TTC21B: variants seen among roughly 807,000 people sequenced by gnomAD.
The protein encoded by TTC21B is tetratricopeptide repeat protein 21B.
In TTC21B, 127 loss-of-function variants were observed where a neutral mutation model predicts 175.1. The observed-to-expected ratio is 0.73, with a 90% CI of 0.63 to 0.84. The LOEUF (loss-of-function observed/expected upper bound fraction) is 0.84, where lower values mean the gene tolerates loss of function less well. Ranked by LOEUF, TTC21B falls within the 40% of genes least tolerant of loss-of-function variation. The probability of loss-of-function intolerance (pLI) is 0.00; values close to 1 mark genes in which losing one functional copy is unlikely to be tolerated. For synonymous variants in TTC21B, 524 were observed against 524.5 expected, an observed-to-expected ratio of 1.00 and a Z score of 0.01; for missense variants, 1,561 against 1,558.3, an observed-to-expected ratio of 1.00 and a Z score of -0.03.
chr2:165,953,728 G>T lies in TTC21B; in HGVS notation c.-23C>A, dbSNP rs1458873389. The T allele has an allele frequency of 6.5e-7, 1 of 1,543,978 alleles. No homozygotes were observed. The highest frequency in any genetic ancestry group is 8.7e-7 in the Non-Finnish European group (1 of 1,145,058). ...CATGGCTGCCCCGAGGCCGGGCCGC[G>T]GGGCTCTGGGGATTGTCTCGCCGCA... On this transcript the variant is annotated 5_prime_UTR_variant, in exon 1 of 29. Transcript: ENST00000243344.
chr2:165,940,969 T>C (rs545460823), intron 6 of TTC21B, 58 bp downstream of exon 6: 254 of 1,600,462 alleles, frequency 1.6e-4, no homozygotes, highest in Admixed American at 1.2e-3. Context: ...CAGATGTCGC[T>C]TTTTCTCAAA....
intron 6 of TTC21B, among the ~76,000 whole-genome samples, chr2:165,939,706 T>C (rs1404629599): frequency 6.6e-6 from 1 of 152,150 alleles, no homozygotes; most frequent in African/African-American, 2.4e-5. Context: ...CATCCATCTC[T>C]ACTTTGACTT....
intron 26 of TTC21B, 27 bp from the exon 27 acceptor site, chr2:165,880,826 G>C: frequency 1.2e-6 from 2 of 1,606,310 alleles, no homozygotes; most frequent in Middle Eastern, 1.7e-4. Flanking sequence ...GACATCAATA[G>C]ATTAAACTTG....
chr2:165,899,971 C>T (rs1685498002), intron 20 of TTC21B, 91 bp from the exon 21 acceptor site: 19 of 519,682 alleles, frequency 3.7e-5, no homozygotes, highest in Middle Eastern at 3.4e-4. Flanking sequence ...CTTTAGTTGA[C>T]CAAAAGTCAT....
At position 165,919,393 on chromosome 2, in the gene TTC21B, T is replaced by C; in HGVS notation, c.1557A>G (p.Leu519=). Residue 519 remains leucine, a synonymous_variant, in exon 13 of 29, where the codon TTA becomes TTG. Coordinates refer to ENST00000243344, the MANE Select transcript of TTC21B (RefSeq NM_024753.5). The stretch of plus-strand genomic sequence containing the variant: ...CATCAGCATAAGAGGGATTGTGTTC[T>C]AAGCAGTGCTGAAGGTTATTGAAAG... ...EAAFNNLQHC[L]EHNPSYADAH... is the part of the protein sequence containing the mutation. 1 of 1,614,136 alleles carries C rather than the reference T, an allele frequency of 6.2e-7. No individual in the cohort carries two copies. Among genetic ancestry groups the C allele is most frequent in the South Asian group, 1.1e-5 (1 of 91,078 alleles).
At chr2:165,941,319 G>T in intron 5 of TTC21B, 135 bp from the exon 6 acceptor site, 1 of 926,672 alleles carries the variant, frequency 1.1e-6, no homozygotes, top group Non-Finnish European at 1.7e-6. Flanking sequence ...TTAAGTTTTT[G>T]TCAAAACAAA....
intron 12 of TTC21B, among the ~76,000 whole-genome samples, chr2:165,920,455 C>A (rs1036476131): frequency 6.6e-6 from 1 of 152,106 alleles, no homozygotes; most frequent in Non-Finnish European, 1.5e-5. Flanking sequence ...AACCGTCAAG[C>A]ATAATTAACA....
rs376144362 is a variant in TTC21B at position 165,941,204 on chromosome 2, G to C, written c.553-20C>G. 2.0e-4 allele frequency: 327 copies of C among 1,613,398 alleles called. No individual in the cohort carries two copies. The highest frequency in any genetic ancestry group is 2.7e-4 in the Non-Finnish European group (314 of 1,179,522). ...TTGTGCCTAATGGAAGGGAAAAAAAGTGATATCCAAACTGTGATCTTTCAT... is the reference window on the plus strand; with the variant it reads ...TTGTGCCTAATGGAAGGGAAAAAAACTGATATCCAAACTGTGATCTTTCAT... On this transcript the variant is annotated intron_variant, in intron 5 of 28. Transcript: ENST00000243344.
At chr2:165,880,590 G>C (rs1420181590) in intron 27 of TTC21B, 89 bp downstream of exon 27, 2 of 1,419,640 alleles carry the variant, frequency 1.4e-6, no homozygotes, top group Non-Finnish European at 2.0e-6. Context: ...TGTTTATTTT[G>C]TTTTGAAAAA....
rs1472888506 is a variant in TTC21B at position 165,888,492 on chromosome 2, T to C, written c.3264-18A>G. The C allele has an allele frequency of 6.3e-7, 1 of 1,582,984 alleles. No individual in the cohort carries two copies. Among genetic ancestry groups the C allele is most frequent in the Non-Finnish European group, 8.7e-7 (1 of 1,155,002 alleles). On this transcript the variant is annotated intron_variant, in intron 24 of 28. Coordinates refer to ENST00000243344, the MANE Select transcript of TTC21B (RefSeq NM_024753.5). ...TTGAATTACTGTATATAATTAAAAA[T>C]AAATCACTTCTGTCTCTTACTCATG...
chr2:165,901,029 G>A (rs183401891), intron 20 of TTC21B, among the ~76,000 whole-genome samples: 1 of 151,590 alleles, frequency 6.6e-6, no homozygotes, highest in African/African-American at 2.4e-5. Context: ...AGCACCCCAA[G>A]GAGCTGGGAC....
intron 11 of TTC21B, among the ~76,000 whole-genome samples, chr2:165,925,482 C>T (rs570221611): frequency 6.0e-4 from 91 of 152,220 alleles, no homozygotes; most frequent in Non-Finnish European, 8.2e-4. Context: ...ATGATCCTCT[C>T]CACCCCAAGC....
chr2:165,938,356 T>G (rs1283694597), intron 6 of TTC21B, among the ~76,000 whole-genome samples: 1 of 152,034 alleles, frequency 6.6e-6, no homozygotes, highest in African/African-American at 2.4e-5. Flanking sequence ...ATGACAGAAT[T>G]CAAATGCAAC....
At chr2:165,892,876 T>C (rs943264410) in intron 22 of TTC21B, among the ~76,000 whole-genome samples, 5 of 152,218 alleles carry the variant, frequency 3.3e-5, no homozygotes, top group African/African-American at 1.2e-4. Context: ...TTTTGTGTTA[T>C]ATATGTTTCA....
intron 1 of TTC21B, among the ~76,000 whole-genome samples, chr2:165,952,765 C>T (rs1687798648): frequency 6.6e-6 from 1 of 152,182 alleles, no homozygotes; most frequent in Admixed American, 6.5e-5. Flanking sequence ...AAATTGTCCT[C>T]CATCCACTTA....
At chr2:165,934,330 G>A (rs986262209) in intron 6 of TTC21B, among the ~76,000 whole-genome samples, 3 of 151,546 alleles carry the variant, frequency 2.0e-5, no homozygotes, top group Admixed American at 1.3e-4. Flanking sequence ...GGAGAACTCC[G>A]TCTCTACTAA....
In TTC21B at chr2:165,921,172, C is replaced by T. The variant is rs563880879; in HGVS notation, c.1517-1739G>A. Among the ~76,000 whole-genome samples, 18 of 152,164 alleles carry T rather than the reference C, an allele frequency of 1.2e-4. No homozygotes were observed. The South Asian group carries it at 3.5e-3, about 30-fold the overall frequency. On this transcript the variant is annotated intron_variant, in intron 12 of 28. Transcript: ENST00000243344. ...GCTAGCTGTGCCAGAAAGACCAACC[C>T]TGTGATTAGAGGGTTGGTGCTTAGA...
chr2:165,910,230 C>T (rs902040654), intron 18 of TTC21B, among the ~76,000 whole-genome samples: 7 of 151,956 alleles, frequency 4.6e-5, no homozygotes, highest in African/African-American at 1.2e-4. Flanking sequence ...GGTGAAAACT[C>T]GTCTCTACTA....
At chr2:165,913,504 T>A in intron 16 of TTC21B, 70 bp downstream of exon 16, 1 of 1,006,880 alleles carries the variant, frequency 9.9e-7, no homozygotes, top group Non-Finnish European at 1.6e-6. Flanking sequence ...AAACATTCCT[T>A]TTAATAGGAA....
Sources: allele counts gnomAD v4.1 joint callset (sites outside exome capture counted in the v4.1 genomes callset), GRCh38; gene constraint gnomAD v4.1.1; transcripts MANE v1.5; gene names NCBI Gene and HGNC (gene_info 2026-07-23, HGNC 2026-07-21).